Variants in LRRC42 observed in about 807,000 individuals in gnomAD.
LRRC42 encodes the protein leucine rich repeat containing 42.
A neutral mutation model predicts 44.3 loss-of-function variants in LRRC42; 43 were observed. The ratio of observed to expected loss-of-function variants is 0.97; its 90% CI spans 0.76 to 1.25. LRRC42 has a LOEUF of 1.25. LRRC42 is among the 50% of genes most tolerant of loss of function. The probability of loss-of-function intolerance (pLI) is 0.00; values close to 1 mark genes in which losing one functional copy is unlikely to be tolerated. For missense variants in LRRC42, 540 were observed against 509.1 expected (o/e 1.06, Z -0.58); for synonymous variants, 207 against 195.2 (o/e 1.06, Z -0.50).
At chr1:53,946,817 G>A (rs1049352966) in intron 1 of LRRC42, among the ~76,000 whole-genome samples, 2 of 151,770 alleles carry the variant, frequency 1.3e-5, no homozygotes, top group East Asian at 3.9e-4. Flanking sequence ...TGGACTCGGG[G>A]AGAGGCATGC....
At chr1:53,959,980 G>C (rs1426501794) in intron 4 of LRRC42, among the ~76,000 whole-genome samples, 1 of 151,170 alleles carries the variant, frequency 6.6e-6, no homozygotes, top group Non-Finnish European at 1.5e-5. Flanking sequence ...GAGTGCAGTG[G>C]TGCAATCATA....
At chr1:53,965,484 CT>C (rs1191040913) in intron 7 of LRRC42, among the ~76,000 whole-genome samples, 157 of 140,402 alleles carry the variant, frequency 1.1e-3, no homozygotes, top group Non-Finnish European at 1.1e-3. Flanking sequence ...TTTTTCTTTT[CT>C]TTTTTTTTTT....
chr1:53,949,628 C>T (rs1005933014), intron 2 of LRRC42, among the ~76,000 whole-genome samples: 2 of 152,204 alleles, frequency 1.3e-5, no homozygotes, highest in East Asian at 3.8e-4. Context: ...GGAGGAACAG[C>T]TCAGAATAAA....
At chr1:53,951,895 G>T in intron 2 of LRRC42, 91 bp from the exon 3 acceptor site, 1 of 1,032,560 alleles carries the variant, frequency 9.7e-7, no homozygotes. Context: ...CTGCCTGGTA[G>T]GCTCATAAAG....
rs1441039679 is a variant in LRRC42, at chr1:53,960,901, C to G, written c.724+427C>G. 2.0e-5 allele frequency among the ~76,000 whole-genome samples: 3 copies of G among 152,226 alleles called. No homozygotes were observed. In the East Asian group the frequency reaches 5.8e-4, roughly 29 times the overall value. ...ACTCAGATTAACCAGATATTGACTC[C>G]AATGGTAAGAGGTTGACAGAGATCA... On this transcript the variant is annotated intron_variant, in intron 5 of 8. Coordinates refer to ENST00000371370, the MANE Select transcript of LRRC42 (RefSeq NM_001256409.2).
chr1:53,946,981 G>A (rs1021224693), intron 1 of LRRC42, among the ~76,000 whole-genome samples: 1 of 151,952 alleles, frequency 6.6e-6, no homozygotes, highest in African/African-American at 2.4e-5. Flanking sequence ...ATAGTGAGGC[G>A]TGAAGGAAGA....
chr1:53,960,420 C>A lies in LRRC42; in HGVS notation c.670C>A (p.Pro224Thr). 6.2e-7 allele frequency: 1 copy of A among 1,613,946 alleles called. No homozygotes were observed. Among genetic ancestry groups the A allele is most frequent in the Non-Finnish European group, 8.5e-7 (1 of 1,179,964 alleles). The change falls in exon 5 of 9, where the codon CCA becomes ACA. Residue 224 changes from proline (P) to threonine (T), a missense_variant. Transcript: ENST00000371370. The part of the protein sequence containing the change: ...SDAGVRKMTA[P>T]VRVMKRGLEN... ...TGCTGGGGTGCGGAAGATGACAGCA[C>A]CAGTTCGAGTGATGAAAAGAGGCCT...
At chr1:53,967,379 C>T (rs751921315) in intron 8 of LRRC42, among the ~76,000 whole-genome samples, 2 of 152,146 alleles carry the variant, frequency 1.3e-5, no homozygotes, top group African/African-American at 2.4e-5. Flanking sequence ...TTTTGTATCC[C>T]TCTAGAGGTG....
rs956302730 is a variant in LRRC42, at chr1:53,962,357, C to T, written c.875C>T (p.Pro292Leu). 12 of 1,614,048 alleles carry T rather than the reference C, an allele frequency of 7.4e-6. No individual in the cohort carries two copies. The African/African-American group carries it at 1.3e-4, about 18-fold the overall frequency. ...ATAGGCCTTGTTCACTCCAAAGTGC[C>T]TTTGAAGGAATTTGATCATAGTAAC... ...THIGLVHSKV[P>L]LKEFDHSNCK... Residue 292 changes from proline (P) to leucine (L), a missense_variant, in exon 7 of 9, where the codon CCT (proline) becomes CTT (leucine). By Grantham distance (98) the Pro-to-Leu change is moderately conservative. Transcript: ENST00000371370.
In LRRC42 at chr1:53,948,432, C is replaced by T. The variant is rs79799069; in HGVS notation, c.-15+611C>T. On this transcript the variant is annotated intron_variant, in intron 2 of 8. Transcript: ENST00000371370. The stretch of plus-strand genomic sequence containing the variant: ...GAACTGAGTTTTTAATGTAATACAG[C>T]TGTGTTTCATTCATTTGATGAAATG... Among the ~76,000 whole-genome samples the T allele has an allele frequency of 9.2e-3, 1,401 of 152,304 alleles. 26 individuals are homozygous for T. Among genetic ancestry groups the T allele is most frequent in the African/African-American group, 0.032 (1,344 of 41,548 alleles).
intron 3 of LRRC42, among the ~76,000 whole-genome samples, chr1:53,956,190 G>C (rs1392882695): frequency 6.6e-6 from 1 of 152,188 alleles, no homozygotes; most frequent in Non-Finnish European, 1.5e-5. Context: ...GGTAGGTGCA[G>C]GCACTTGCTA....
chr1:53,949,051 T>C (rs947447004), intron 2 of LRRC42, among the ~76,000 whole-genome samples: 5 of 152,162 alleles, frequency 3.3e-5, no homozygotes, highest in African/African-American at 9.7e-5. Context: ...TTTCCTCATT[T>C]AGAAAGATAA....
intron 8 of LRRC42, 132 bp downstream of exon 8, chr1:53,966,512 C>T (rs1042612682): frequency 4.7e-6 from 3 of 643,002 alleles, no homozygotes; most frequent in South Asian, 3.7e-5. Context: ...GACTTGTATT[C>T]CCTTAGCATA....
In LRRC42 at chr1:53,952,346, A is replaced by C; in HGVS notation, c.347A>C (p.Glu116Ala). ...SLIGFPEQIA[E>A]KLFSAAEARQ... ...ATTGGCTTTCCTGAGCAGATTGCTG[A>C]AAAGCTGTTCTCTGCTGCTGAAGCC... Residue 116 changes from glutamate to alanine, a missense_variant, in exon 3 of 9, where the codon GAA becomes GCA. Coordinates refer to ENST00000371370, the MANE Select transcript of LRRC42 (RefSeq NM_001256409.2). The C allele has an allele frequency of 3.1e-6, 5 of 1,614,188 alleles. No homozygotes were observed. The highest frequency in any genetic ancestry group is 3.4e-6 in the Non-Finnish European group (4 of 1,179,992).
chr1:53,966,216 G>A, intron 7 of LRRC42, 80 bp from the exon 8 acceptor site: 1 of 1,167,230 alleles, frequency 8.6e-7, no homozygotes, highest in South Asian at 1.3e-5. Context: ...TATGGAGAGG[G>A]AAAAAGGGGG....
intron 2 of LRRC42, among the ~76,000 whole-genome samples, chr1:53,951,517 C>T (rs1010603332): frequency 7.9e-5 from 12 of 152,254 alleles, no homozygotes; most frequent in Non-Finnish European, 1.3e-4. Flanking sequence ...CTCTGTCTCC[C>T]GGGTTCAAGC....
Position 53,951,083 on chromosome 1 carries a change from A to G in LRRC42, c.-14-903A>G, listed in dbSNP as rs1280372792. Among the ~76,000 whole-genome samples, 3 of 152,240 alleles carry G rather than the reference A, an allele frequency of 2.0e-5. No individual in the cohort carries two copies. The East Asian group carries it at 5.8e-4, about 29-fold the overall frequency. ...TTTCTCAAGGAGCCCAAAGCAGCAG[A>G]TGGCAGACTCAGAAACAAATAAATA... On this transcript the variant is annotated intron_variant, in intron 2 of 8. Coordinates refer to ENST00000371370, the MANE Select transcript of LRRC42 (RefSeq NM_001256409.2).
rs377077010 is a variant in LRRC42, at chr1:53,951,198, A to C, written c.-14-788A>C. On this transcript the variant is annotated intron_variant, in intron 2 of 8. Coordinates refer to ENST00000371370, the MANE Select transcript of LRRC42 (RefSeq NM_001256409.2). ...ATTTCTAGTCTTTTTTCTGTGTCTA[A>C]ACATGTTTTTTAAAAATTCATAATT... is the stretch of plus-strand genomic sequence containing the variant. Among the ~76,000 whole-genome samples the C allele has an allele frequency of 7.2e-5, 11 of 152,350 alleles. No individual in the cohort carries two copies. In the East Asian group the frequency reaches 1.3e-3, roughly 19 times the overall value.
At chr1:53,958,485 CAGTT>C (rs974438338) in intron 4 of LRRC42, among the ~76,000 whole-genome samples, 5 of 152,194 alleles carry the variant, frequency 3.3e-5, no homozygotes, top group East Asian at 1.9e-4. Flanking sequence ...TGACTCAAGT[CAGTT>C]AGTTGACTCT....
Sources: gnomAD v4.1 joint callset for allele counts (sites outside exome capture counted in the v4.1 genomes callset) on GRCh38, gnomAD v4.1.1 for gene constraint, MANE v1.5 for transcripts, NCBI Gene and HGNC (gene_info 2026-07-23, HGNC 2026-07-21) for gene names.